Variants in GMDS observed in about 807,000 individuals in gnomAD.
GMDS encodes GDP-mannose 4,6 dehydratase.
GMDS carries 20 observed loss-of-function variants against 49.9 expected under a neutral mutation model. That is an observed-to-expected ratio of 0.40 (90% CI 0.28 to 0.58). The LOEUF is 0.58. Among genes scored for constraint, GMDS ranks in the 20% least tolerant of loss-of-function variants. The pLI is 0.42. For missense variants in GMDS, 362 were observed against 481.4 expected (o/e 0.75, Z 2.32); for synonymous variants, 177 against 178.6 (o/e 0.99, Z 0.07).
At chr6:1,806,418 A>T (rs1164558194) in intron 7 of GMDS, among the ~76,000 whole-genome samples, 1 of 150,320 alleles carries the variant, frequency 6.7e-6, no homozygotes, top group Non-Finnish European at 1.5e-5. Flanking sequence ...CAACTGTCAA[A>T]AGAGACCTCG....
At chr6:2,039,017 A>G (rs1769482183) in intron 4 of GMDS, among the ~76,000 whole-genome samples, 1 of 152,178 alleles carries the variant, frequency 6.6e-6, no homozygotes, top group South Asian at 2.1e-4. Context: ...AACATCATGG[A>G]GTGAATTTAC....
At chr6:1,969,078 G>A (rs528619128) in intron 4 of GMDS, among the ~76,000 whole-genome samples, 103 of 151,742 alleles carry the variant, frequency 6.8e-4, no homozygotes, top group African/African-American at 2.0e-3. Flanking sequence ...TGGCTAACAC[G>A]GTGAAACCCC....
intron 1 of GMDS, among the ~76,000 whole-genome samples, chr6:2,142,131 A>G (rs1341681067): frequency 2.6e-5 from 4 of 152,218 alleles, no homozygotes; most frequent in African/African-American, 7.2e-5. Flanking sequence ...ACTACAAGCC[A>G]GTTTCAATTT....
At chr6:1,742,369 G>C in intron 8 of GMDS, 99 bp downstream of exon 8, 1 of 707,308 alleles carries the variant, frequency 1.4e-6, no homozygotes, top group Non-Finnish European at 2.6e-6. Flanking sequence ...CTCTTCAGGA[G>C]AGTGAAGGGG....
At chr6:1,784,390 CAAAAAAAAAAAAA>C (rs780517217) in intron 7 of GMDS, among the ~76,000 whole-genome samples, 2 of 40,494 alleles carry the variant, frequency 4.9e-5, no homozygotes, top group Non-Finnish European at 9.9e-5. Flanking sequence ...AGACTCGTCT[CAAAAAAAAAAAAA>C]AAAAAAAAAA....
intron 7 of GMDS, among the ~76,000 whole-genome samples, chr6:1,854,659 C>T (rs989831351): frequency 6.6e-6 from 1 of 152,176 alleles, no homozygotes; most frequent in African/African-American, 2.4e-5. Flanking sequence ...CATTCTCATT[C>T]AGCATGTGGG....
intron 6 of GMDS, among the ~76,000 whole-genome samples, chr6:1,957,342 T>C (rs1346072436): frequency 2.0e-5 from 3 of 152,226 alleles, no homozygotes; most frequent in Non-Finnish European, 2.9e-5. Context: ...CCTGCCATTA[T>C]GGAATTTTCA....
At chr6:2,172,677 G>A (rs571276133) in intron 1 of GMDS, among the ~76,000 whole-genome samples, 4 of 152,074 alleles carry the variant, frequency 2.6e-5, no homozygotes, top group Admixed American at 2.6e-4. Flanking sequence ...GGGCGACACA[G>A]TGAGGCTCCA....
At chr6:1,853,504 C>A (rs949416414) in intron 7 of GMDS, among the ~76,000 whole-genome samples, 2 of 118,518 alleles carry the variant, frequency 1.7e-5, no homozygotes, top group African/African-American at 7.0e-5. Context: ...GGCGACAGAG[C>A]GAGACTCCGT....
At chr6:1,681,135 T>C (rs1481563850) in intron 9 of GMDS, among the ~76,000 whole-genome samples, 1 of 151,534 alleles carries the variant, frequency 6.6e-6, no homozygotes, top group Non-Finnish European at 1.5e-5. Flanking sequence ...CACTTACAGA[T>C]ACACACACCT....
chr6:2,017,436 G>A (rs1767976460), intron 4 of GMDS, among the ~76,000 whole-genome samples: 1 of 152,074 alleles, frequency 6.6e-6, no homozygotes. Context: ...AGCCTCCTGA[G>A]TAACTGGGAT....
chr6:1,917,864 C>T (rs778400547), intron 7 of GMDS, among the ~76,000 whole-genome samples: 8 of 152,242 alleles, frequency 5.3e-5, no homozygotes, highest in South Asian at 2.1e-4. Flanking sequence ...AGCTGGAGGA[C>T]GGACCCAAGA....
intron 7 of GMDS, among the ~76,000 whole-genome samples, chr6:1,811,611 G>A (rs1379878562): frequency 7.7e-5 from 11 of 142,872 alleles, no homozygotes; most frequent in Non-Finnish European, 9.0e-5. Context: ...GGAGACTTAC[G>A]GGAAAGAGGT....
At chr6:2,217,322 G>A (rs1368707120) in intron 1 of GMDS, among the ~76,000 whole-genome samples, 2 of 151,964 alleles carry the variant, frequency 1.3e-5, no homozygotes, top group South Asian at 4.2e-4. Context: ...ACCAGGACAC[G>A]TGTTTGCCTG....
At chr6:1,633,149 T>C (rs1176713195) in intron 9 of GMDS, among the ~76,000 whole-genome samples, 1 of 152,218 alleles carries the variant, frequency 6.6e-6, no homozygotes, top group Non-Finnish European at 1.5e-5. Context: ...AAAACGATTC[T>C]TTTCATTTCT....
intron 7 of GMDS, among the ~76,000 whole-genome samples, chr6:1,767,270 A>T (rs1350310195): frequency 6.6e-6 from 1 of 152,158 alleles, no homozygotes; most frequent in African/African-American, 2.4e-5. Flanking sequence ...CAAAATAATT[A>T]GTCACAGAGG....
At chr6:1,956,255 A>T (rs1227160126) in intron 6 of GMDS, among the ~76,000 whole-genome samples, 1 of 152,208 alleles carries the variant, frequency 6.6e-6, no homozygotes, top group Non-Finnish European at 1.5e-5. Flanking sequence ...TCTGCACACT[A>T]CAAGACTCCA....
chr6:1,832,558 C>T (rs1460322050), intron 7 of GMDS, among the ~76,000 whole-genome samples: 1 of 152,028 alleles, frequency 6.6e-6, no homozygotes, highest in African/African-American at 2.4e-5. Context: ...GTGCCCATTA[C>T]ACAAGCAGTA....
intron 7 of GMDS, among the ~76,000 whole-genome samples, chr6:1,858,690 T>C (rs551953149): frequency 4.4e-4 from 67 of 152,218 alleles, no homozygotes; most frequent in Non-Finnish European, 6.2e-4. Context: ...AGCCAATGCT[T>C]TTTTAACTCC....
Sources: gnomAD v4.1 joint callset for allele counts (sites outside exome capture counted in the v4.1 genomes callset) on GRCh38, gnomAD v4.1.1 for gene constraint, MANE v1.5 for transcripts, NCBI Gene and HGNC (gene_info 2026-07-23, HGNC 2026-07-21) for gene names.